The following TASP1 variants were observed in gnomAD, a reference collection of about 807,000 sequenced individuals.
TASP1 encodes taspase 1.
A neutral mutation model predicts 56.6 loss-of-function variants in TASP1; 16 were observed. The observed-to-expected ratio is 0.28, with a 90% CI of 0.19 to 0.43. TASP1 has a LOEUF of 0.43. Ranked by LOEUF, TASP1 falls within the 20% of genes least tolerant of loss-of-function variation. The pLI is 1.00. For missense variants in TASP1, 393 were observed against 511.6 expected (o/e 0.77, Z 2.24); for synonymous variants, 179 against 184.2 (o/e 0.97, Z 0.23).
chr20:13,531,643 C>T (rs2045224155), intron 9 of TASP1, among the ~76,000 whole-genome samples: 1 of 151,848 alleles, frequency 6.6e-6, no homozygotes, highest in African/African-American at 2.4e-5. Context: ...AGGTGTCAGC[C>T]ATCATGCTCA....
At chr20:13,229,825 C>A in the TASP1 span, among the ~76,000 whole-genome samples, 2 of 152,072 alleles carry the variant, frequency 1.3e-5, no homozygotes, top group Non-Finnish European at 2.9e-5. Flanking sequence ...TCATATCTAC[C>A]AGAAATCCCT....
the TASP1 span, among the ~76,000 whole-genome samples, chr20:13,202,040 A>G: frequency 6.6e-6 from 1 of 152,306 alleles, no homozygotes; most frequent in South Asian, 2.1e-4. Context: ...GGCATGAGCC[A>G]CCGCGCCTGG....
At chr20:13,567,483 C>T (rs2046573444) in intron 7 of TASP1, among the ~76,000 whole-genome samples, 1 of 151,796 alleles carries the variant, frequency 6.6e-6, no homozygotes, top group African/African-American at 2.4e-5. Flanking sequence ...GAAATTATCC[C>T]AAAATTTTCT....
At chr20:13,587,416 A>G in intron 4 of TASP1, 46 bp from the exon 5 acceptor site, 2 of 1,504,616 alleles carry the variant, frequency 1.3e-6, no homozygotes, top group Middle Eastern at 1.8e-4. Flanking sequence ...TCTTAAAAAA[A>G]GTATTAATGT....
chr20:13,454,648 A>T (rs2043760432), intron 11 of TASP1, among the ~76,000 whole-genome samples: 1 of 152,112 alleles, frequency 6.6e-6, no homozygotes, highest in South Asian at 2.1e-4. Flanking sequence ...TTTCAACCAG[A>T]TTATTTATAT....
chr20:13,429,535 G>A (rs905497654), intron 12 of TASP1, among the ~76,000 whole-genome samples: 1 of 151,938 alleles, frequency 6.6e-6, no homozygotes, highest in Non-Finnish European at 1.5e-5. Context: ...TCTGAGGTCA[G>A]ATCAGGGGAT....
At chr20:13,338,022 G>A in the TASP1 span, among the ~76,000 whole-genome samples, 810 of 152,290 alleles carry the variant, frequency 5.3e-3, 7 homozygotes, top group South Asian at 0.022. Context: ...AGAAGAATTC[G>A]AGGCAAGTAC....
the TASP1 span, among the ~76,000 whole-genome samples, chr20:13,322,583 T>C: frequency 1.3e-5 from 2 of 152,224 alleles, no homozygotes; most frequent in Admixed American, 1.3e-4. Flanking sequence ...AGACGTGCTC[T>C]ATTTTCTCAG....
chr20:13,432,062 G>T (rs898337666), intron 12 of TASP1, among the ~76,000 whole-genome samples: 1 of 152,188 alleles, frequency 6.6e-6, no homozygotes, highest in Admixed American at 6.5e-5. Flanking sequence ...AATAGAAACA[G>T]ACTAACAGAA....
chr20:13,452,411 A>AT (rs201319685), intron 11 of TASP1, among the ~76,000 whole-genome samples: 7 of 147,436 alleles, frequency 4.7e-5, no homozygotes, highest in African/African-American at 1.9e-4. Flanking sequence ...ATACACATAC[A>AT]TTAAAAAAAA....
chr20:13,400,747 T>G (rs1367176838), intron 13 of TASP1, among the ~76,000 whole-genome samples: 1 of 152,200 alleles, frequency 6.6e-6, no homozygotes, highest in Non-Finnish European at 1.5e-5. Context: ...AGCGCAACCA[T>G]AGCCAAATGT....
the TASP1 span, among the ~76,000 whole-genome samples, chr20:13,174,904 C>T: frequency 2.6e-5 from 4 of 151,906 alleles, no homozygotes; most frequent in African/African-American, 4.8e-5. Context: ...GGGGCAGTAC[C>T]CCCATATGGT....
intron 10 of TASP1, among the ~76,000 whole-genome samples, chr20:13,484,982 A>T (rs1290044902): frequency 1.3e-5 from 2 of 152,062 alleles, no homozygotes; most frequent in African/African-American, 4.8e-5. Flanking sequence ...GCCTGTCAGG[A>T]GGTGGGGGGC....
the TASP1 span, chr20:13,154,154 A>G: frequency 6.2e-7 from 1 of 1,613,612 alleles, no homozygotes. Flanking sequence ...TATCCAAGGC[A>G]TCTCATAATC....
In TASP1 at chr20:13,413,375, AT is replaced by A. The variant is rs543473996; in HGVS notation, c.1170+4072del. ...TCACAAATAAATATTTGTTGAGTAA[AT>A]TTTTTTTTTTAAGAAAAGCTGAGTA... On this transcript the variant is annotated intron_variant, in intron 13 of 13. Transcript: ENST00000337743. 1.3e-3 allele frequency among the ~76,000 whole-genome samples: 196 copies of A among 148,890 alleles called. 2 individuals are homozygous for A. The South Asian group carries it at 0.017, about 13-fold the overall frequency.
the TASP1 span, among the ~76,000 whole-genome samples, chr20:13,319,160 C>T: frequency 2.0e-5 from 3 of 151,732 alleles, no homozygotes. Context: ...TGTTCAATTT[C>T]GTTATGAAAC....
chr20:13,406,301 T>A (rs1173212441), intron 13 of TASP1, among the ~76,000 whole-genome samples: 1 of 152,252 alleles, frequency 6.6e-6, no homozygotes, highest in Non-Finnish European at 1.5e-5. Flanking sequence ...TTCCAATCCA[T>A]GAATATGGCA....
intron 4 of TASP1, among the ~76,000 whole-genome samples, chr20:13,607,022 A>T (rs1236639057): frequency 6.6e-6 from 1 of 152,192 alleles, no homozygotes; most frequent in South Asian, 2.1e-4. Flanking sequence ...TCCTATAGAG[A>T]AATGTCAGGA....
At chr20:13,214,525 AC>A in the TASP1 span, among the ~76,000 whole-genome samples, 13 of 64,834 alleles carry the variant, frequency 2.0e-4, no homozygotes, top group African/African-American at 2.2e-3. Flanking sequence ...ACAGGCACAC[AC>A]ACACACACAC....
Sources: allele counts gnomAD v4.1 joint callset (sites outside exome capture counted in the v4.1 genomes callset), GRCh38; gene constraint gnomAD v4.1.1; transcripts MANE v1.5; gene names NCBI Gene and HGNC (gene_info 2026-07-23, HGNC 2026-07-21).